The following PLS1 variants were observed in gnomAD, a reference collection of about 807,000 sequenced individuals.
PLS1 encodes plastin-1.
Under a neutral mutation model 73.7 loss-of-function variants are expected in PLS1, and 32 were observed. The ratio of observed to expected loss-of-function variants is 0.43; its 90% CI spans 0.33 to 0.58. The LOEUF is 0.58. PLS1 is among the 20% of genes least tolerant of loss of function. The probability of loss-of-function intolerance (pLI) is 0.04; values close to 1 mark genes in which losing one functional copy is unlikely to be tolerated. For missense variants in PLS1, 633 were observed against 740.5 expected, an observed-to-expected ratio of 0.85 and a Z score of 1.68; for synonymous variants, 217 against 261.3, an observed-to-expected ratio of 0.83 and a Z score of 1.63.
intron 4 of PLS1, among the ~76,000 whole-genome samples, chr3:142,672,147 T>C (rs2037616200): frequency 6.6e-6 from 1 of 152,150 alleles, no homozygotes; most frequent in Non-Finnish European, 1.5e-5. Flanking sequence ...TTTTTCCATG[T>C]GTATATACAT....
intron 1 of PLS1, among the ~76,000 whole-genome samples, chr3:142,650,369 C>G (rs940212): frequency 0.62 from 94,265 of 151,670 alleles, 29,717 homozygotes; most frequent in African/African-American, 0.66. Context: ...CAGGTGCCTA[C>G]CCCCATGCCC....
intron 1 of PLS1, chr3:142,597,403 A>G (rs1461488400): frequency 2.6e-5 from 4 of 152,148 alleles, no homozygotes; most frequent in African/African-American, 9.7e-5. Context: ...TTTAAGTTGA[A>G]TTATGTAATG....
chr3:142,660,644 T>C (rs2037350510), intron 1 of PLS1, among the ~76,000 whole-genome samples: 1 of 152,180 alleles, frequency 6.6e-6, no homozygotes, highest in Admixed American at 6.5e-5. Context: ...AAATTCTAAG[T>C]CAAATCATCG....
chr3:142,606,566 T>G (rs2036022062), intron 1 of PLS1, among the ~76,000 whole-genome samples: 1 of 152,240 alleles, frequency 6.6e-6, no homozygotes, highest in Non-Finnish European at 1.5e-5. Context: ...TTAATTACCC[T>G]GTATTCATTA....
rs1005622264 is a variant in PLS1, at chr3:142,713,137, T to C, written c.*1130T>C. ...CAGCCCGTTACAAATTGGCAATGTTTGGTTAATGTTTGTATTACTTGGAAA... is the reference window on the plus strand; with the variant it reads ...CAGCCCGTTACAAATTGGCAATGTTCGGTTAATGTTTGTATTACTTGGAAA... On this transcript the variant is annotated 3_prime_UTR_variant, in exon 16 of 16. Coordinates refer to ENST00000457734, the MANE Select transcript of PLS1 (RefSeq NM_001145319.2). 3 of 152,572 alleles carry C rather than the reference T, an allele frequency of 2.0e-5. No individual in the cohort carries two copies. The highest frequency in any genetic ancestry group is 7.2e-5 in the African/African-American group (3 of 41,466). The allele number at this position is 152,572 out of a possible 1,614,324, so 9.5% of individuals were successfully genotyped here. A position where few individuals can be genotyped will look rare whatever the true frequency, so the allele number is the denominator to read the frequency against.
In PLS1 at chr3:142,684,287, A is replaced by G. The variant is rs140563322; in HGVS notation, c.780A>G (p.Leu260=). 125 of 1,614,144 alleles carry G rather than the reference A, an allele frequency of 7.7e-5. No homozygotes were observed. The African/African-American group carries it at 1.5e-3, about 19-fold the overall frequency. The change falls in exon 8 of 16, where the codon CTA becomes CTG. Residue 260 remains leucine (L), a synonymous_variant. Coordinates refer to ENST00000457734, the MANE Select transcript of PLS1 (RefSeq NM_001145319.2). ...CATTGTTAAATGAAGGTGAGGAACT[A>G]GAGGAGCTGATGAAGCTTTCTCCCG... ...LIALLNEGEE[L]EELMKLSPEE...
At position 142,676,136 on chromosome 3, in the gene PLS1, ACCAAG is replaced by A; in HGVS notation, c.365-20_365-16del. 6.2e-7 allele frequency: 1 copy of A among 1,603,354 alleles called. No homozygotes were observed. The highest frequency in any genetic ancestry group is 8.5e-7 in the Non-Finnish European group (1 of 1,176,232). ...AAAGTTTGTGAAATGAGATTTGCCT[ACCAAG>A]GTTTTCTCCTTTCAGAGGAAGAAAA... On this transcript the variant is annotated splice_polypyrimidine_tract_variant and intron_variant, in intron 4 of 15. Transcript: ENST00000457734.
Position 142,712,156 on chromosome 3 carries a change from T to A in PLS1, c.*149T>A. On this transcript the variant is annotated 3_prime_UTR_variant, in exon 16 of 16. Transcript: ENST00000457734. ...AATGAATTCAATATCCTGTTCATAC[T>A]AGTTAGAGCTGGTCAGCCTTTTTGG... The A allele has an allele frequency of 1.5e-6, 1 of 660,858 alleles. No individual in the cohort carries two copies. The highest frequency in any genetic ancestry group is 2.5e-6 in the Non-Finnish European group (1 of 405,356). 40.9% of individuals were successfully genotyped at this position (660,858 alleles called of 1,614,324 possible).
At chr3:142,626,701 C>T (rs1299443755) in intron 1 of PLS1, among the ~76,000 whole-genome samples, 1 of 152,176 alleles carries the variant, frequency 6.6e-6, no homozygotes, top group African/African-American at 2.4e-5. Flanking sequence ...GTAAAGACTC[C>T]TACTAAGATT....
rs754490210 is a variant in PLS1, at chr3:142,684,178, T to C, written c.745+7T>C. The C allele has an allele frequency of 1.9e-6, 3 of 1,613,900 alleles. No homozygotes were observed. The highest frequency in any genetic ancestry group is 2.5e-6 in the Non-Finnish European group (3 of 1,179,818). On this transcript the variant is annotated splice_region_variant and intron_variant, in intron 7 of 15. Transcript: ENST00000457734. ...GAGATTTCCAGGAATGAAGGTAAGA[T>C]CATTAGAAATATTTGCTGTTCATTG...
rs187330377 is a variant in PLS1, at chr3:142,651,615, C to A, written c.-36-12587C>A. 3.5e-3 allele frequency among the ~76,000 whole-genome samples: 538 copies of A among 152,252 alleles called. 10 individuals carry two copies. Among genetic ancestry groups the A allele is most frequent in the African/African-American group, 0.013 (522 of 41,540 alleles). On this transcript the variant is annotated intron_variant, in intron 1 of 15. Coordinates refer to ENST00000457734, the MANE Select transcript of PLS1 (RefSeq NM_001145319.2). Reference sequence around the variant, plus strand: ...TAGCTGGGACTCCAGGCACGTGCCACTGTGCCCAGCTGATGGGAGTGTTTC... The same window carrying A: ...TAGCTGGGACTCCAGGCACGTGCCAATGTGCCCAGCTGATGGGAGTGTTTC...
intron 1 of PLS1, among the ~76,000 whole-genome samples, chr3:142,624,069 A>G (rs1366673847): frequency 1.3e-5 from 2 of 152,158 alleles, no homozygotes; most frequent in Admixed American, 6.6e-5. Context: ...CTTTTTTTCT[A>G]GAGAAATTTC....
chr3:142,601,230 T>A (rs952319310), intron 1 of PLS1, among the ~76,000 whole-genome samples: 10 of 151,506 alleles, frequency 6.6e-5, no homozygotes, highest in Non-Finnish European at 1.5e-4. Context: ...CGGCCTATAT[T>A]TTTTATATAT....
intron 14 of PLS1, among the ~76,000 whole-genome samples, chr3:142,710,389 GT>G (rs1933062458): frequency 6.6e-6 from 1 of 152,034 alleles, no homozygotes. Context: ...TTAGACCAGT[GT>G]TTTGAAATCT....
intron 12 of PLS1, among the ~76,000 whole-genome samples, chr3:142,701,963 T>C (rs755475805): frequency 2.6e-5 from 4 of 152,264 alleles, no homozygotes; most frequent in Non-Finnish European, 5.9e-5. Context: ...TCTACATTCT[T>C]ACAGCATATA....
intron 12 of PLS1, among the ~76,000 whole-genome samples, chr3:142,703,264 G>A (rs576586522): frequency 6.6e-6 from 1 of 150,464 alleles, no homozygotes; most frequent in Non-Finnish European, 1.5e-5. Context: ...CCATTAATAA[G>A]CTATTTCATC....
At position 142,664,322 on chromosome 3, in the gene PLS1, A is replaced by G; in HGVS notation, c.70+15A>G. On this transcript the variant is annotated intron_variant, in intron 2 of 15. Transcript: ENST00000457734. Reference sequence around the variant, plus strand: ...TAATAAAATAGGTATGCTTGAGAAAAAGTAAATATGATATTACTGGTCTGC... The same window carrying G: ...TAATAAAATAGGTATGCTTGAGAAAGAGTAAATATGATATTACTGGTCTGC... 7.2e-7 allele frequency: 1 copy of G among 1,383,746 alleles called. No individual in the cohort carries two copies. The highest frequency in any genetic ancestry group is 1.2e-5 in the South Asian group (1 of 84,308). The allele number at this position is 1,383,746 out of a possible 1,614,324, so 85.7% of individuals were successfully genotyped here. A position where few individuals can be genotyped will look rare whatever the true frequency, so the allele number is the denominator to read the frequency against.
chr3:142,617,890 A>G (rs1303165600), intron 1 of PLS1, among the ~76,000 whole-genome samples: 3 of 152,204 alleles, frequency 2.0e-5, no homozygotes, highest in Admixed American at 2.0e-4. Flanking sequence ...AGGCAGGAGA[A>G]TAGCTTGAAC....
intron 11 of PLS1, 29 bp downstream of exon 11, chr3:142,694,576 C>T (rs1309796024): frequency 2.3e-6 from 3 of 1,282,394 alleles, no homozygotes; most frequent in South Asian, 1.2e-5. Context: ...TTCAGCTTTA[C>T]TGTCAGGGTC....
Sources: gnomAD v4.1 joint callset for allele counts (sites outside exome capture counted in the v4.1 genomes callset) on GRCh38, gnomAD v4.1.1 for gene constraint, MANE v1.5 for transcripts, NCBI Gene and HGNC (gene_info 2026-07-23, HGNC 2026-07-21) for gene names.